The following FAM117A variants were observed in gnomAD, a reference collection of about 807,000 sequenced individuals.
FAM117A encodes the protein family with sequence similarity 117 member A.
Under a neutral mutation model 44.1 loss-of-function variants are expected in FAM117A, and 21 were observed. That is an observed-to-expected ratio of 0.48 (90% confidence interval 0.34 to 0.69). FAM117A has a LOEUF of 0.69. FAM117A is among the 30% of genes least tolerant of loss of function. The pLI, the probability that FAM117A is intolerant of heterozygous loss-of-function variation, is 0.01. For synonymous variants in FAM117A, 220 were observed against 238.3 expected, an observed-to-expected ratio of 0.92 and a Z score of 0.71; for missense variants, 498 against 589.9, an observed-to-expected ratio of 0.84 and a Z score of 1.61.
chr17:49,788,914 T>C, upstream of FAM117A: 1 of 1,451,468 alleles, frequency 6.9e-7, no homozygotes, highest in Non-Finnish European at 9.3e-7. Flanking sequence ...CGTGACGCAG[T>C]TGGCCACGCC....
At chr17:49,748,760 A>G (rs2073663444) in intron 1 of FAM117A, among the ~76,000 whole-genome samples, 1 of 152,200 alleles carries the variant, frequency 6.6e-6, no homozygotes, top group Admixed American at 6.5e-5. Context: ...TAAGAATTTG[A>G]GTGGGACACA....
intron 2 of FAM117A, among the ~76,000 whole-genome samples, chr17:49,724,981 G>A (rs1018597920): frequency 1.3e-5 from 2 of 152,136 alleles, no homozygotes; most frequent in Non-Finnish European, 2.9e-5. Flanking sequence ...TGCCTTCTCT[G>A]TGTAAACTAT....
intron 1 of FAM117A, among the ~76,000 whole-genome samples, chr17:49,751,404 C>T (rs546389090): frequency 2.0e-5 from 3 of 151,218 alleles, no homozygotes; most frequent in Admixed American, 2.0e-4. Context: ...CATGGTGAAA[C>T]CCCATTTCTA....
chr17:49,735,389 CAA>C (rs558001753), intron 1 of FAM117A, among the ~76,000 whole-genome samples: 1 of 139,158 alleles, frequency 7.2e-6, no homozygotes, highest in Non-Finnish European at 1.6e-5. Context: ...GACTCCGTCT[CAA>C]AAAAAAAAAG....
At chr17:49,771,820 C>T (rs1259926300) in intron 1 of FAM117A, among the ~76,000 whole-genome samples, 2 of 152,194 alleles carry the variant, frequency 1.3e-5, no homozygotes, top group African/African-American at 2.4e-5. Context: ...CTGTTTCATG[C>T]CCCACTTTAG....
intron 1 of FAM117A, among the ~76,000 whole-genome samples, chr17:49,740,351 G>A (rs187284248): frequency 0.012 from 1,844 of 151,874 alleles, 26 homozygotes; most frequent in African/African-American, 0.043. Context: ...CCGGGTTCAC[G>A]CCATTCTCCT....
chr17:49,774,781 T>C (rs901086901), intron 1 of FAM117A, among the ~76,000 whole-genome samples: 1 of 152,188 alleles, frequency 6.6e-6, no homozygotes, highest in Non-Finnish European at 1.5e-5. Context: ...TCCTGAAAGT[T>C]GATGCTAACG....
chr17:49,757,094 C>T (rs1460237718), intron 1 of FAM117A, among the ~76,000 whole-genome samples: 1 of 152,066 alleles, frequency 6.6e-6, no homozygotes, highest in African/African-American at 2.4e-5. Context: ...CCGAGTCTTC[C>T]CAGGCCTCCC....
intron 1 of FAM117A, among the ~76,000 whole-genome samples, chr17:49,781,084 G>A (rs111774991): frequency 0.025 from 3,832 of 152,244 alleles, 75 homozygotes; most frequent in Non-Finnish European, 0.042. Flanking sequence ...CCAAAGTGCT[G>A]GGATAACAGG....
exon 1 of FAM117A, chr17:49,788,508 T>A (rs1284478027): frequency 3.1e-6 from 1 of 327,160 alleles, no homozygotes; most frequent in African/African-American, 2.1e-5. Context: ...TAACTAAAAA[T>A]GGTTGGCTCC....
In FAM117A at chr17:49,748,915, G is replaced by A. The variant is rs114256636; in HGVS notation, c.196+14977C>T. Among the ~76,000 whole-genome samples, 1,129 of 152,214 alleles carry A rather than the reference G, an allele frequency of 7.4e-3. 16 individuals carry two copies. The highest frequency in any genetic ancestry group is 0.026 in the African/African-American group (1,078 of 41,510). On this transcript the variant is annotated intron_variant, in intron 1 of 7. Coordinates refer to ENST00000240364, the MANE Select transcript of FAM117A (RefSeq NM_030802.4). ...AGAGGAAAGGGGCCGGCACACAAGC[G>A]GCAGTGTCTGAACCTCTAGCTCTGT...
At chr17:49,758,122 T>C (rs1375592925) in intron 1 of FAM117A, among the ~76,000 whole-genome samples, 1 of 151,462 alleles carries the variant, frequency 6.6e-6, no homozygotes, top group African/African-American at 2.4e-5. Flanking sequence ...TGAGGTCAGA[T>C]GTTGGAGACC....
intron 1 of FAM117A, among the ~76,000 whole-genome samples, chr17:49,742,144 G>A (rs1291889466): frequency 6.6e-6 from 1 of 152,090 alleles, no homozygotes; most frequent in Non-Finnish European, 1.5e-5. Flanking sequence ...AAAAAGGAGC[G>A]ACGATATTTG....
At chr17:49,745,945 C>A (rs1317034709) in intron 1 of FAM117A, among the ~76,000 whole-genome samples, 1 of 152,188 alleles carries the variant, frequency 6.6e-6, no homozygotes, top group Non-Finnish European at 1.5e-5. Context: ...TTGCCTTTGG[C>A]AAAGCCACAA....
chr17:49,755,617 T>C (rs531721082), intron 1 of FAM117A, among the ~76,000 whole-genome samples: 29 of 152,304 alleles, frequency 1.9e-4, no homozygotes, highest in African/African-American at 7.0e-4. Flanking sequence ...GGCCTAGCAA[T>C]GACATCTATG....
At chr17:49,712,596 G>A (rs1242785036) in intron 7 of FAM117A, among the ~76,000 whole-genome samples, 5 of 151,932 alleles carry the variant, frequency 3.3e-5, no homozygotes, top group African/African-American at 7.3e-5. Flanking sequence ...CTGCAGCCTC[G>A]ACCTCCCCGG....
intron 2 of FAM117A, among the ~76,000 whole-genome samples, chr17:49,731,958 G>A (rs911756700): frequency 2.6e-5 from 4 of 151,950 alleles, no homozygotes; most frequent in African/African-American, 9.7e-5. Flanking sequence ...GCTAATTTTT[G>A]TATTTTTAGT....
At chr17:49,788,110 C>T (rs963628269) in intron 1 of FAM117A, among the ~76,000 whole-genome samples, 4 of 152,234 alleles carry the variant, frequency 2.6e-5, no homozygotes, top group Admixed American at 2.6e-4. Flanking sequence ...AACTAACTCA[C>T]TTGCTGTTAG....
chr17:49,776,681 G>A (rs2073776382), intron 1 of FAM117A, among the ~76,000 whole-genome samples: 1 of 152,166 alleles, frequency 6.6e-6, no homozygotes, highest in African/African-American at 2.4e-5. Context: ...AAGCTGGGGG[G>A]TTTCCATGAA....
Sources: gnomAD v4.1 joint callset for allele counts (sites outside exome capture counted in the v4.1 genomes callset) on GRCh38, gnomAD v4.1.1 for gene constraint, MANE v1.5 for transcripts, NCBI Gene and HGNC (gene_info 2026-07-23, HGNC 2026-07-21) for gene names.